The following MTUS1 variants were observed in gnomAD, a reference collection of about 807,000 sequenced individuals.
MTUS1 encodes microtubule-associated tumor suppressor 1.
MTUS1 carries 109 observed loss-of-function variants against 120.8 expected under a neutral mutation model. The observed-to-expected ratio is 0.90, with a 90% confidence interval of 0.77 to 1.06. The LOEUF (loss-of-function observed/expected upper bound fraction) is 1.06, where lower values mean the gene tolerates loss of function less well. Among genes scored for constraint, MTUS1 ranks in the 50% least tolerant of loss-of-function variants. The pLI is 0.00. For synonymous variants in MTUS1, 737 were observed against 550.5 expected (o/e 1.34, Z -4.74); for missense variants, 2,210 against 1,486.3 (o/e 1.49, Z -8.01).
chr8:17,705,966 C>T (rs928346924), intron 6 of MTUS1: 2 of 152,130 alleles, frequency 1.3e-5, no homozygotes. Flanking sequence ...TCCTTATCAG[C>T]AGTAAGCCAA....
chr8:17,686,909 A>G (rs943443615), intron 6 of MTUS1, among the ~76,000 whole-genome samples: 2 of 152,248 alleles, frequency 1.3e-5, no homozygotes, highest in African/African-American at 2.4e-5. Flanking sequence ...AAAGTTAAAT[A>G]TAAGAAGTAA....
rs114095238 is a variant in MTUS1 at position 17,667,534 on chromosome 8, T to C, written c.2905+7652A>G. ...TTAAGTGTTGATTAGGCAATGTGTA[T>C]ACTGCTTTTGGCAATGTACTGTTTT... is the stretch of plus-strand genomic sequence containing the variant. On this transcript the variant is annotated intron_variant, in intron 8 of 14. Transcript: ENST00000693296. 5.2e-3 allele frequency among the ~76,000 whole-genome samples: 800 copies of C among 152,384 alleles called. 8 individuals carry two copies. The highest frequency in any genetic ancestry group is 0.018 in the African/African-American group (759 of 41,584).
chr8:17,693,198 T>C (rs924412262), intron 6 of MTUS1: 1 of 152,196 alleles, frequency 6.6e-6, no homozygotes, highest in Non-Finnish European at 1.5e-5. Flanking sequence ...TATGTTGAGG[T>C]AGAATTCCGA....
At chr8:17,787,246 C>G (rs2051382353) in intron 1 of MTUS1, among the ~76,000 whole-genome samples, 1 of 152,194 alleles carries the variant, frequency 6.6e-6, no homozygotes, top group Non-Finnish European at 1.5e-5. Context: ...ATAACGACAT[C>G]AGTGCACAGC....
chr8:17,675,149 C>A (rs1345306206), intron 8 of MTUS1, 37 bp downstream of exon 8: 1 of 1,611,842 alleles, frequency 6.2e-7, no homozygotes. Flanking sequence ...TTCCCCTTGT[C>A]CCATAAAATT....
chr8:17,726,205 AC>A (rs1239873849), intron 3 of MTUS1, among the ~76,000 whole-genome samples: 1 of 152,080 alleles, frequency 6.6e-6, no homozygotes, highest in Non-Finnish European at 1.5e-5. Flanking sequence ...CTACTGAATC[AC>A]CACCTGCAGT....
At chr8:17,780,719 T>G (rs2050813008) in intron 1 of MTUS1, among the ~76,000 whole-genome samples, 2 of 152,274 alleles carry the variant, frequency 1.3e-5, no homozygotes, top group Middle Eastern at 6.8e-3. Flanking sequence ...AGCCTCTGCC[T>G]CCTTACAATA....
rs369356694 is a variant in MTUS1, at chr8:17,655,845, G to A, written c.3108+18C>T. On this transcript the variant is annotated intron_variant, in intron 9 of 14. Transcript: ENST00000693296. The stretch of plus-strand genomic sequence containing the variant: ...GCAGCAGAGGCCTCAGACAAGCTCT[G>A]GCTGCAAAAGCACAGACCTGCTCTT... 20 of 1,611,852 alleles carry A rather than the reference G, an allele frequency of 1.2e-5. No individual in the cohort carries two copies. In the East Asian group the frequency reaches 1.6e-4, roughly 13 times the overall value.
Position 17,755,898 on chromosome 8 carries a change from T to A in MTUS1, c.-91A>T. The stretch of plus-strand genomic sequence containing the variant: ...GGGCAAAATGGTCTGTCTTCTAGGT[T>A]TTTCAGCACAGTTGAAAGGTTTTCA... On this transcript the variant is annotated 5_prime_UTR_variant, in exon 2 of 15. Transcript: ENST00000693296. The A allele has an allele frequency of 6.7e-7, 1 of 1,499,132 alleles. No individual in the cohort carries two copies. Among genetic ancestry groups the A allele is most frequent in the Non-Finnish European group, 8.8e-7 (1 of 1,132,746 alleles). The allele number at this position is 1,499,132 out of a possible 1,614,324, so 92.9% of individuals were successfully genotyped here.
rs978464559 is a variant in MTUS1, at chr8:17,755,269, T to C, written c.539A>G (p.Lys180Arg). ...TCCAGCAGTATGGAAGGACTGACTC[T>C]TTCCGATGGCATGATGTGATATAAA... ...CTFISHHAIG[K>R]SQSFHTAGSL... The change falls in exon 2 of 15, where the codon AAG (lysine) becomes AGG (arginine). Residue 180 changes from lysine (K) to arginine (R), a missense_variant. Lys to Arg is a conservative substitution (Grantham distance 26). Coordinates refer to ENST00000693296, the MANE Select transcript of MTUS1 (RefSeq NM_001363059.2). 18 of 1,614,074 alleles carry C rather than the reference T, an allele frequency of 1.1e-5. No individual in the cohort carries two copies. The African/African-American group carries it at 1.2e-4, about 11-fold the overall frequency.
chr8:17,709,023 G>C (rs1268320948), intron 6 of MTUS1: 2 of 152,242 alleles, frequency 1.3e-5, no homozygotes, highest in Non-Finnish European at 1.5e-5. Flanking sequence ...TGTAGTCCCA[G>C]CTACGCGGGA....
chr8:17,678,858 G>C (rs1202799475), intron 7 of MTUS1, among the ~76,000 whole-genome samples: 1 of 151,998 alleles, frequency 6.6e-6, no homozygotes, highest in Non-Finnish European at 1.5e-5. Flanking sequence ...GACCCTTTTA[G>C]GAAGAAGCTT....
chr8:17,654,537 A>G lies in MTUS1; in HGVS notation c.3214+24T>C, dbSNP rs751981767. 3.5e-6 allele frequency: 5 copies of G among 1,415,634 alleles called. No individual in the cohort carries two copies. The East Asian group carries it at 9.1e-5, about 26-fold the overall frequency. The allele number at this position is 1,415,634 out of a possible 1,614,324, so 87.7% of individuals were successfully genotyped here. A position where few individuals can be genotyped will look rare whatever the true frequency, so the allele number is the denominator to read the frequency against. Reference sequence around the variant, plus strand: ...GGTTCCTTCAGATTTTATTCTGTTTAAAGAGGAAAAAAAGCATCCTTGCCT... The same window carrying G: ...GGTTCCTTCAGATTTTATTCTGTTTGAAGAGGAAAAAAAGCATCCTTGCCT... On this transcript the variant is annotated intron_variant, in intron 10 of 14. Transcript: ENST00000693296.
In MTUS1 at chr8:17,754,896, A is replaced by T. The variant is rs765110460; in HGVS notation, c.912T>A (p.Asp304Glu). 16 of 1,614,232 alleles carry T rather than the reference A, an allele frequency of 9.9e-6. No individual in the cohort carries two copies. In the South Asian group the frequency reaches 1.8e-4, roughly 18 times the overall value. The change falls in exon 2 of 15, where the codon GAT becomes GAA. Residue 304 changes from aspartate (D) to glutamate (E), a missense_variant. Coordinates refer to ENST00000693296, the MANE Select transcript of MTUS1 (RefSeq NM_001363059.2). ...AACAAAAGAACTCTTGTAATGCAGAATCATTGGGGACTTCCATGCCATCAG... is the reference window on the plus strand; with the variant it reads ...AACAAAAGAACTCTTGTAATGCAGATTCATTGGGGACTTCCATGCCATCAG... ...PVSDGMEVPN[D>E]SALQEFFCLS...
chr8:17,796,720 A>G (rs1220592017), intron 1 of MTUS1, among the ~76,000 whole-genome samples: 1 of 152,230 alleles, frequency 6.6e-6, no homozygotes, highest in African/African-American at 2.4e-5. Context: ...ATCCAAGAGT[A>G]AATTCAAAGA....
chr8:17,718,590 T>C (rs1822779118), intron 4 of MTUS1, among the ~76,000 whole-genome samples: 2 of 152,094 alleles, frequency 1.3e-5, no homozygotes, highest in African/African-American at 2.4e-5. Flanking sequence ...TAGAGAGCCA[T>C]GGACACTAAA....
intron 8 of MTUS1, among the ~76,000 whole-genome samples, chr8:17,672,780 C>G (rs1812290413): frequency 6.6e-6 from 1 of 152,206 alleles, no homozygotes; most frequent in East Asian, 1.9e-4. Flanking sequence ...GCAGGAGAAG[C>G]AGTGCACCAG....
intron 1 of MTUS1, among the ~76,000 whole-genome samples, chr8:17,797,067 G>A (rs986352366): frequency 1.3e-5 from 2 of 151,650 alleles, no homozygotes; most frequent in Admixed American, 6.6e-5. Flanking sequence ...AGCTGAGATC[G>A]CACGCACCAC....
chr8:17,754,420 T>C lies in MTUS1; in HGVS notation c.1388A>G (p.Asn463Ser). Residue 463 changes from asparagine to serine, a missense_variant, in exon 2 of 15, where the codon AAC becomes AGC. By Grantham distance (46) the Asn-to-Ser change is conservative. Coordinates refer to ENST00000693296, the MANE Select transcript of MTUS1 (RefSeq NM_001363059.2). The stretch of plus-strand genomic sequence containing the variant: ...AGGTGCCTCCTTCGAGTCTGGTATG[T>C]TTTTAAGCCCTCGATTACCCTTCTC... ...KVEKGNRGLKNIPDSKEAPVN... is the reference protein window; with the variant it reads ...KVEKGNRGLKSIPDSKEAPVN... 1 of 1,614,180 alleles carries C rather than the reference T, an allele frequency of 6.2e-7. No individual in the cohort carries two copies. The highest frequency in any genetic ancestry group is 1.1e-5 in the South Asian group (1 of 91,080).
Sources: gnomAD v4.1 joint callset for allele counts (sites outside exome capture counted in the v4.1 genomes callset) on GRCh38, gnomAD v4.1.1 for gene constraint, MANE v1.5 for transcripts, NCBI Gene and HGNC (gene_info 2026-07-23, HGNC 2026-07-21) for gene names.